The following STAC variants were observed in gnomAD, a reference collection of about 807,000 sequenced individuals.
STAC encodes the protein SH3 and cysteine rich domain, also known as SH3 and cysteine-rich domain-containing protein.
Under a neutral mutation model 48.8 loss-of-function variants are expected in STAC, and 43 were observed. The observed-to-expected ratio is 0.88, with a 90% CI of 0.69 to 1.14. STAC has a LOEUF of 1.14. STAC is among the 50% of genes most tolerant of loss of function. STAC has a pLI of 0.00. For missense variants in STAC, 497 were observed against 504.0 expected (o/e 0.99, Z 0.13); for synonymous variants, 193 against 179.5 (o/e 1.07, Z -0.60).
intron 2 of STAC, among the ~76,000 whole-genome samples, chr3:36,465,674 C>T (rs1245028695): frequency 6.6e-6 from 1 of 152,064 alleles, no homozygotes; most frequent in Non-Finnish European, 1.5e-5. Context: ...GGTCCCACAA[C>T]AGGCTGTCTG....
intron 5 of STAC, among the ~76,000 whole-genome samples, chr3:36,492,021 AAAAAAAAAAAATATATATAT>A (rs1469378149): frequency 3.8e-5 from 1 of 26,320 alleles, no homozygotes; most frequent in Admixed American, 6.5e-4. Context: ...AAAAAAAAAA[AAAAAAAAAAAATATATATAT>A]ATATATATAT....
intron 1 of STAC, among the ~76,000 whole-genome samples, chr3:36,427,253 G>GTA: frequency 6.6e-6 from 1 of 152,286 alleles, no homozygotes. Context: ...GAAGAACACT[G>GTA]TGAGCCTGTG....
intron 8 of STAC, among the ~76,000 whole-genome samples, chr3:36,512,445 T>A (rs1016107297): frequency 6.6e-6 from 1 of 152,176 alleles, no homozygotes; most frequent in Admixed American, 6.5e-5. Flanking sequence ...AGATTGTCAT[T>A]TGGGTGTGTA....
In STAC at chr3:36,528,727, T is replaced by C; in HGVS notation, c.952T>C (p.Ser318Pro). Residue 318 changes from serine to proline, a missense_variant, in exon 9 of 11, where the codon TCC becomes CCC. Coordinates refer to ENST00000273183, the MANE Select transcript of STAC (RefSeq NM_003149.3). ...PGDIITLLEDSNEDWWKGKIQ... is the reference protein window; with the variant it reads ...PGDIITLLEDPNEDWWKGKIQ... ...AGACATAATTACTCTTTTAGAGGAT[T>C]CCAATGAAGACTGGTGGAAAGTAAG... The C allele has an allele frequency of 6.2e-7, 1 of 1,607,140 alleles. No individual in the cohort carries two copies. The highest frequency in any genetic ancestry group is 8.5e-7 in the Non-Finnish European group (1 of 1,177,346).
intron 1 of STAC, among the ~76,000 whole-genome samples, chr3:36,436,266 C>T (rs990731283): frequency 1.3e-5 from 2 of 152,184 alleles, no homozygotes; most frequent in African/African-American, 2.4e-5. Context: ...TCGCAAGAGT[C>T]TCCTCTCCCA....
rs192084028 is a variant in STAC, at chr3:36,536,999, A to G, written c.1110+8014A>G. 6.6e-5 allele frequency among the ~76,000 whole-genome samples: 10 copies of G among 152,260 alleles called. No homozygotes were observed. The East Asian group carries it at 1.5e-3, about 24-fold the overall frequency. On this transcript the variant is annotated intron_variant, in intron 10 of 10. Coordinates refer to ENST00000273183, the MANE Select transcript of STAC (RefSeq NM_003149.3). Reference sequence around the variant, plus strand: ...ACTGAAAATCAAAACCACAAAGAGTACCATGTCACTCCAGTCAGAATGGTG... The same window carrying G: ...ACTGAAAATCAAAACCACAAAGAGTGCCATGTCACTCCAGTCAGAATGGTG...
chr3:36,512,581 A>C (rs934690531), intron 8 of STAC, among the ~76,000 whole-genome samples: 1 of 152,186 alleles, frequency 6.6e-6, no homozygotes, highest in African/African-American at 2.4e-5. Flanking sequence ...TACTGGGATA[A>C]TGAGGAATGA....
intron 1 of STAC, among the ~76,000 whole-genome samples, chr3:36,383,732 G>A (rs1439871734): frequency 6.6e-6 from 1 of 152,226 alleles, no homozygotes; most frequent in Non-Finnish European, 1.5e-5. Flanking sequence ...ATGCATATAT[G>A]CATCATCTAG....
chr3:36,533,014 A>C lies in STAC; in HGVS notation c.1110+4029A>C, dbSNP rs1699107837. 2.0e-5 allele frequency among the ~76,000 whole-genome samples: 3 copies of C among 152,202 alleles called. No individual in the cohort carries two copies. In the South Asian group the frequency reaches 6.2e-4, roughly 31 times the overall value. On this transcript the variant is annotated intron_variant, in intron 10 of 10. Coordinates refer to ENST00000273183, the MANE Select transcript of STAC (RefSeq NM_003149.3). ...GTTATGTGTCTTGCTCAAGGGGCAA[A>C]AGCCTAGTAAGTGTCCAGAATGGAA...
chr3:36,432,259 G>T (rs752165006), intron 1 of STAC, among the ~76,000 whole-genome samples: 1 of 152,210 alleles, frequency 6.6e-6, no homozygotes, highest in Non-Finnish European at 1.5e-5. Context: ...GGGACTCAGA[G>T]AAGTTAAATA....
At chr3:36,441,889 G>T (rs1226773360) in intron 1 of STAC, among the ~76,000 whole-genome samples, 1 of 152,156 alleles carries the variant, frequency 6.6e-6, no homozygotes, top group Non-Finnish European at 1.5e-5. Context: ...CTTCTTTTGA[G>T]AAATGTCTGT....
chr3:36,546,293 C>G lies in STAC; in HGVS notation c.*4C>G. 4 of 1,612,794 alleles carry G rather than the reference C, an allele frequency of 2.5e-6. No individual in the cohort carries two copies. The highest frequency in any genetic ancestry group is 3.4e-6 in the Non-Finnish European group (4 of 1,178,788). On this transcript the variant is annotated 3_prime_UTR_variant, in exon 11 of 11. Transcript: ENST00000273183. Reference sequence around the variant, plus strand: ...TGATGTACTAGAAAACATCTGATTGCTGGCTCCTCCTCCGTTTGCAGTAGG... The same window carrying G: ...TGATGTACTAGAAAACATCTGATTGGTGGCTCCTCCTCCGTTTGCAGTAGG...
chr3:36,484,581 A>C (rs958689660), intron 3 of STAC, among the ~76,000 whole-genome samples: 1 of 152,210 alleles, frequency 6.6e-6, no homozygotes, highest in Non-Finnish European at 1.5e-5. Context: ...CCACTTACCC[A>C]TGCCCAGGCC....
chr3:36,403,499 A>G (rs760496744), intron 1 of STAC, among the ~76,000 whole-genome samples: 13 of 152,096 alleles, frequency 8.5e-5, no homozygotes, highest in Non-Finnish European at 1.5e-4. Flanking sequence ...AATTTTAAAA[A>G]TTCAGTAGAA....
chr3:36,513,331 T>C (rs959294559), intron 8 of STAC, among the ~76,000 whole-genome samples: 2 of 152,226 alleles, frequency 1.3e-5, no homozygotes, highest in Non-Finnish European at 2.9e-5. Flanking sequence ...TGTCAACCTC[T>C]GCCCAGGCCT....
chr3:36,480,994 G>T (rs1360735630), intron 2 of STAC, among the ~76,000 whole-genome samples: 1 of 152,198 alleles, frequency 6.6e-6, no homozygotes, highest in Non-Finnish European at 1.5e-5. Flanking sequence ...ACCACAGAGT[G>T]TTGGGAGAAA....
chr3:36,390,052 C>G (rs998337685), intron 1 of STAC, among the ~76,000 whole-genome samples: 3 of 152,084 alleles, frequency 2.0e-5, no homozygotes, highest in Non-Finnish European at 4.4e-5. Context: ...TAGAGAGATA[C>G]CAGGCTGGCA....
intron 8 of STAC, among the ~76,000 whole-genome samples, chr3:36,513,265 A>G (rs1201372731): frequency 6.6e-6 from 1 of 152,190 alleles, no homozygotes; most frequent in Non-Finnish European, 1.5e-5. Context: ...CCAGCAATGT[A>G]CAGAGCATCG....
intron 10 of STAC, among the ~76,000 whole-genome samples, chr3:36,529,922 C>A (rs1473631758): frequency 2.6e-5 from 4 of 152,072 alleles, no homozygotes; most frequent in Non-Finnish European, 5.9e-5. Context: ...GAGATGGAGA[C>A]CATCCTAGCC....
Sources: gnomAD v4.1 joint callset for allele counts (sites outside exome capture counted in the v4.1 genomes callset) on GRCh38, gnomAD v4.1.1 for gene constraint, MANE v1.5 for transcripts, NCBI Gene and HGNC (gene_info 2026-07-23, HGNC 2026-07-21) for gene names.